Variants in GTSF1L observed in about 807,000 individuals in gnomAD.
GTSF1L encodes gametocyte specific factor 1 like.
In GTSF1L, 1 loss-of-function variant was observed where a neutral mutation model predicts 1.1. The ratio of observed to expected loss-of-function variants is 0.90; its 90% confidence interval spans 0.32 to 4.28. The LOEUF is 4.28. Among genes scored for constraint, GTSF1L ranks in the 30% most tolerant of loss-of-function variants. The pLI is 0.17. For synonymous variants in GTSF1L, 62 were observed against 69.3 expected (o/e 0.89, Z 0.53); for missense variants, 169 against 181.9 (o/e 0.93, Z 0.41).
Position 43,726,386 on chromosome 20 carries a change from GAT to G in GTSF1L, c.307_308del (p.Ile103LeufsTer7). On this transcript the variant is annotated frameshift_variant, in exon 1 of 1. Transcript: ENST00000373003. LOFTEE classifies it low-confidence loss of function (END_TRUNC). ...QVSPCLPSPD[I>X]WNVDGANCQH... ...GGCAATTAGCGCCATCGACATTCCA[GAT>G]ATCGGGGCTGGGAAGGCAGGGTGAG... The G allele has an allele frequency of 1.2e-6, 2 of 1,614,066 alleles. No individual in the cohort carries two copies. Among genetic ancestry groups the G allele is most frequent in the Non-Finnish European group, 1.7e-6 (2 of 1,180,020 alleles).
chr20:43,726,262 T>G lies in GTSF1L; in HGVS notation c.433A>C (p.Arg145=). ...CAGCTGGCAGTTTACTGTCCTGGTC[T>G]GAGGATCTTCTGGGGACTGGTCTCT... ...ARETSPQKIL[R]PGQ Residue 145 remains arginine, a synonymous_variant, in exon 1 of 1, where the codon AGA becomes CGA. Coordinates refer to ENST00000373003, the MANE Select transcript of GTSF1L (RefSeq NM_176791.4). 6.2e-7 allele frequency: 1 copy of G among 1,611,744 alleles called. No homozygotes were observed. Among genetic ancestry groups the G allele is most frequent in the Non-Finnish European group, 8.5e-7 (1 of 1,178,262 alleles).
In GTSF1L at chr20:43,726,684, T is replaced by C; in HGVS notation, c.11A>G (p.Glu4Gly). Residue 4 changes from glutamate (E) to glycine (G), a missense_variant, in exon 1 of 1, where the codon GAA becomes GGA. Physicochemically the swap from Glu to Gly is moderately conservative, Grantham distance 98. Transcript: ENST00000373003. ...ATCATAAGGGCAAATTTCAAAGGCT[T>C]CTGGCTCCATGAGAAATTCTTGAAG... is the stretch of plus-strand genomic sequence containing the variant. MEP[E>G]AFEICPYDPH... 1 of 1,566,676 alleles carries C rather than the reference T, an allele frequency of 6.4e-7. No individual in the cohort carries two copies. Among genetic ancestry groups the C allele is most frequent in the Non-Finnish European group, 8.6e-7 (1 of 1,158,686 alleles).
rs1373457863 is a variant in GTSF1L at position 43,726,527 on chromosome 20, C to T, written c.168G>A (p.Leu56=). ...NACHVVPIKN[L]EEHEAVCVNR... ...TGACACAAACAGCCTCATGTTCCTC[C>T]AGATTTTTGATGGGGACCACGTGGC... is the stretch of plus-strand genomic sequence containing the variant. The change falls in exon 1 of 1, where the codon CTG becomes CTA. Residue 56 remains leucine (L), a synonymous_variant. Transcript: ENST00000373003. 1 of 1,614,056 alleles carries T rather than the reference C, an allele frequency of 6.2e-7. No individual in the cohort carries two copies. Among genetic ancestry groups the T allele is most frequent in the South Asian group, 1.1e-5 (1 of 91,050 alleles).
In GTSF1L at chr20:43,726,592, T is replaced by C. The variant is rs2068184292; in HGVS notation, c.103A>G (p.Lys35Glu). 1 of 1,613,894 alleles carries C rather than the reference T, an allele frequency of 6.2e-7. No homozygotes were observed. The highest frequency in any genetic ancestry group is 1.3e-5 in the African/African-American group (1 of 74,854). The part of the protein sequence containing the change: ...HLASCRRKNP[K>E]KAKKMATCKY... ...CAGGTGGCCATCTTTTTGGCTTTCT[T>C]GGGGTTCTTTCTCCTGCACGATGCC... Residue 35 changes from lysine to glutamate, a missense_variant, in exon 1 of 1, where the codon AAG (lysine) becomes GAG (glutamate). Coordinates refer to ENST00000373003, the MANE Select transcript of GTSF1L (RefSeq NM_176791.4).
Position 43,726,850 on chromosome 20 carries a change from G to T in GTSF1L, c.-156C>A. 1 of 609,992 alleles carries T rather than the reference G, an allele frequency of 1.6e-6. No individual in the cohort carries two copies. The highest frequency in any genetic ancestry group is 2.9e-6 in the Non-Finnish European group (1 of 340,774). The allele number at this position is 609,992 out of a possible 1,614,324, so 37.8% of individuals were successfully genotyped here. On this transcript the variant is annotated 5_prime_UTR_variant, in exon 1 of 1. Coordinates refer to ENST00000373003, the MANE Select transcript of GTSF1L (RefSeq NM_176791.4). ...GTCTTAACTTGTGGTCTGTTCTCTA[G>T]GACTGTGAGTGGTGGATTAGAAGAG...
chr20:43,726,951 T>C lies in GTSF1L; in HGVS notation c.-257A>G, dbSNP rs60437257. On this transcript the variant is annotated 5_prime_UTR_variant, in exon 1 of 1. Coordinates refer to ENST00000373003, the MANE Select transcript of GTSF1L (RefSeq NM_176791.4). ...GCACCCGAGACAGAACTATAGCAGA[T>C]GCAAGAGCCAAAAACCCACAGCCGC... 8.2e-3 allele frequency: 3,008 copies of C among 366,760 alleles called. 58 individuals carry two copies. The highest frequency in any genetic ancestry group is 0.046 in the African/African-American group (2,169 of 47,328). The allele number at this position is 366,760 out of a possible 1,614,324, so 22.7% of individuals were successfully genotyped here. A position where few individuals can be genotyped will look rare whatever the true frequency, so the allele number is the denominator to read the frequency against.
Position 43,726,695 on chromosome 20 carries a change from G to T in GTSF1L, c.-1C>A. 6.4e-7 allele frequency: 1 copy of T among 1,554,956 alleles called. No individual in the cohort carries two copies. The highest frequency in any genetic ancestry group is 8.7e-7 in the Non-Finnish European group (1 of 1,153,264). Reference sequence around the variant, plus strand: ...AAATTTCAAAGGCTTCTGGCTCCATGAGAAATTCTTGAAGCAGGGTATCTC... The same window carrying T: ...AAATTTCAAAGGCTTCTGGCTCCATTAGAAATTCTTGAAGCAGGGTATCTC... On this transcript the variant is annotated 5_prime_UTR_variant, in exon 1 of 1. Coordinates refer to ENST00000373003, the MANE Select transcript of GTSF1L (RefSeq NM_176791.4).
rs1444960320 is a variant in GTSF1L, at chr20:43,726,590, C to A, written c.105G>T (p.Lys35Asn). 6.2e-7 allele frequency: 1 copy of A among 1,613,940 alleles called. No individual in the cohort carries two copies. The highest frequency in any genetic ancestry group is 8.5e-7 in the Non-Finnish European group (1 of 1,179,968). Residue 35 changes from lysine (K) to asparagine (N), a missense_variant, in exon 1 of 1, where the codon AAG (lysine) becomes AAT (asparagine). Coordinates refer to ENST00000373003, the MANE Select transcript of GTSF1L (RefSeq NM_176791.4). The stretch of plus-strand genomic sequence containing the variant: ...TGCAGGTGGCCATCTTTTTGGCTTT[C>A]TTGGGGTTCTTTCTCCTGCACGATG... Reference protein sequence around the residue: ...HLASCRRKNPKKAKKMATCKY... With the variant: ...HLASCRRKNPNKAKKMATCKY...
Position 43,726,542 on chromosome 20 carries a change from G to A in GTSF1L, c.153C>T (p.Val51=). ...CATGTTCCTCCAGATTTTTGATGGG[G>A]ACCACGTGGCAGGCGTTGTATTTGC... is the stretch of plus-strand genomic sequence containing the variant. ...ATCKYNACHV[V]PIKNLEEHEA... is the part of the protein sequence containing the mutation. The change falls in exon 1 of 1, where the codon GTC becomes GTT. Residue 51 remains valine (V), a synonymous_variant. Coordinates refer to ENST00000373003, the MANE Select transcript of GTSF1L (RefSeq NM_176791.4). 1 of 1,614,020 alleles carries A rather than the reference G, an allele frequency of 6.2e-7. No individual in the cohort carries two copies. Among genetic ancestry groups the A allele is most frequent in the African/African-American group, 1.3e-5 (1 of 74,974 alleles).
rs1486826083 is a variant in GTSF1L, at chr20:43,726,349, C to G, written c.346G>C (p.Val116Leu). Residue 116 changes from valine to leucine, a missense_variant, in exon 1 of 1, where the codon GTC (valine) becomes CTC (leucine). Transcript: ENST00000373003. The stretch of plus-strand genomic sequence containing the variant: ...TTTTGAGGAAAAAAAGTCTTAAGGA[C>G]AAACACATGCTGGCAATTAGCGCCA... ...VDGANCQHVF[V>L]LKTFFPQKVV... 6.2e-7 allele frequency: 1 copy of G among 1,614,158 alleles called. No individual in the cohort carries two copies. Among genetic ancestry groups the G allele is most frequent in the Non-Finnish European group, 8.5e-7 (1 of 1,180,024 alleles).
Position 43,726,649 on chromosome 20 carries a change from G to T in GTSF1L, c.46C>A (p.Arg16=). The change falls in exon 1 of 1, where the codon CGA becomes AGA. Residue 16 remains arginine, a synonymous_variant. Transcript: ENST00000373003. ...TACTGGAATCTGCTGAGTGGGATTCGGTGGTGAGGATCATAAGGGCAAATT... is the reference window on the plus strand; with the variant it reads ...TACTGGAATCTGCTGAGTGGGATTCTGTGGTGAGGATCATAAGGGCAAATT... ...FEICPYDPHH[R]IPLSRFQYHL... 6.2e-7 allele frequency: 1 copy of T among 1,605,718 alleles called. No homozygotes were observed. Among genetic ancestry groups the T allele is most frequent in the Non-Finnish European group, 8.5e-7 (1 of 1,175,998 alleles).
chr20:43,726,183 A>G lies in GTSF1L; in HGVS notation c.*65T>C. 2 of 1,186,874 alleles carry G rather than the reference A, an allele frequency of 1.7e-6. No individual in the cohort carries two copies. Among genetic ancestry groups the G allele is most frequent in the Non-Finnish European group, 2.4e-6 (2 of 829,878 alleles). 73.5% of individuals were successfully genotyped at this position (1,186,874 alleles called of 1,614,324 possible). On this transcript the variant is annotated 3_prime_UTR_variant, in exon 1 of 1. Coordinates refer to ENST00000373003, the MANE Select transcript of GTSF1L (RefSeq NM_176791.4). ...GGGTAGTTTACTTTGCATGTCTTTT[A>G]TTCTGATGCATTGCACGTTCTTCCA...
In GTSF1L at chr20:43,726,982, T is replaced by C; in HGVS notation, c.-288A>G. The C allele has an allele frequency of 3.2e-6, 1 of 308,288 alleles. No individual in the cohort carries two copies. Among genetic ancestry groups the C allele is most frequent in the Admixed American group, 4.7e-5 (1 of 21,056 alleles). 19.1% of individuals were successfully genotyped at this position (308,288 alleles called of 1,614,324 possible). A position where few individuals can be genotyped will look rare whatever the true frequency, so the allele number is the denominator to read the frequency against. ...AGCCAAAAACCCACAGCCGCTTGAC[T>C]CACGGATATACTATGATGTCAAGCT... On this transcript the variant is annotated 5_prime_UTR_variant, in exon 1 of 1. Coordinates refer to ENST00000373003, the MANE Select transcript of GTSF1L (RefSeq NM_176791.4).
In GTSF1L at chr20:43,726,288, C is replaced by A. The variant is rs761800103; in HGVS notation, c.407G>T (p.Arg136Ile). The A allele has an allele frequency of 6.2e-7, 1 of 1,614,058 alleles. No homozygotes were observed. The highest frequency in any genetic ancestry group is 2.2e-5 in the East Asian group (1 of 44,884). The change falls in exon 1 of 1, where the codon AGA becomes ATA. Residue 136 changes from arginine (R) to isoleucine (I), a missense_variant. Coordinates refer to ENST00000373003, the MANE Select transcript of GTSF1L (RefSeq NM_176791.4). ...VCENDTKESARETSPQKILRP... is the reference protein window; with the variant it reads ...VCENDTKESAIETSPQKILRP... Reference sequence around the variant, plus strand: ...GAGGATCTTCTGGGGACTGGTCTCTCTTGCTGACTCTTTCGTGTCATTTTC... The same window carrying A: ...GAGGATCTTCTGGGGACTGGTCTCTATTGCTGACTCTTTCGTGTCATTTTC...
rs760823157 is a variant in GTSF1L, at chr20:43,726,560, G to A, written c.135C>T (p.Tyr45=). 3.7e-6 allele frequency: 6 copies of A among 1,614,102 alleles called. No individual in the cohort carries two copies. The Admixed American group carries it at 5.0e-5, about 13-fold the overall frequency. ...TGATGGGGACCACGTGGCAGGCGTT[G>A]TATTTGCAGGTGGCCATCTTTTTGG... The part of the protein sequence containing the change: ...KKAKKMATCK[Y]NACHVVPIKN... The change falls in exon 1 of 1, where the codon TAC becomes TAT. Residue 45 remains tyrosine (Y), a synonymous_variant. Transcript: ENST00000373003.
Position 43,726,823 on chromosome 20 carries a change from C to A in GTSF1L, c.-129G>T. The A allele has an allele frequency of 1.5e-6, 1 of 672,836 alleles. No homozygotes were observed. Among genetic ancestry groups the A allele is most frequent in the Non-Finnish European group, 2.6e-6 (1 of 386,538 alleles). The allele number at this position is 672,836 out of a possible 1,614,324, so 41.7% of individuals were successfully genotyped here. On this transcript the variant is annotated 5_prime_UTR_variant, in exon 1 of 1. Coordinates refer to ENST00000373003, the MANE Select transcript of GTSF1L (RefSeq NM_176791.4). ...TTGGCCCTTGGGATTCTGTAGGTGACGGTCTTAACTTGTGGTCTGTTCTCT... is the reference window on the plus strand; with the variant it reads ...TTGGCCCTTGGGATTCTGTAGGTGAAGGTCTTAACTTGTGGTCTGTTCTCT...
chr20:43,726,688 G>C lies in GTSF1L; in HGVS notation c.7C>G (p.Pro3Ala). 4 of 1,561,616 alleles carry C rather than the reference G, an allele frequency of 2.6e-6. No homozygotes were observed. Among genetic ancestry groups the C allele is most frequent in the Non-Finnish European group, 3.5e-6 (4 of 1,156,836 alleles). The stretch of plus-strand genomic sequence containing the variant: ...TAAGGGCAAATTTCAAAGGCTTCTG[G>C]CTCCATGAGAAATTCTTGAAGCAGG... ME[P>A]EAFEICPYDP... The change falls in exon 1 of 1, where the codon CCA becomes GCA. Residue 3 changes from proline to alanine, a missense_variant. By Grantham distance (27) the Pro-to-Ala change is conservative. Transcript: ENST00000373003.
chr20:43,726,255 C>G lies in GTSF1L; in HGVS notation c.440G>C (p.Gly147Ala), dbSNP rs749661277. The stretch of plus-strand genomic sequence containing the variant: ...CCTTCCTCAGCTGGCAGTTTACTGT[C>G]CTGGTCTGAGGATCTTCTGGGGACT... ...ETSPQKILRP[G>A]Q Residue 147 changes from glycine (G) to alanine (A), a missense_variant, in exon 1 of 1, where the codon GGA becomes GCA. By Grantham distance (60) the Gly-to-Ala change is moderately conservative (BLOSUM62 0). Transcript: ENST00000373003. 91 of 1,609,100 alleles carry G rather than the reference C, an allele frequency of 5.7e-5. No homozygotes were observed. The highest frequency in any genetic ancestry group is 7.4e-5 in the Non-Finnish European group (87 of 1,176,512).
rs767463998 is a variant in GTSF1L at position 43,726,845 on chromosome 20, C to T, written c.-151G>A. 64 of 616,940 alleles carry T rather than the reference C, an allele frequency of 1.0e-4. No homozygotes were observed. The highest frequency in any genetic ancestry group is 1.7e-4 in the Non-Finnish European group (57 of 345,158). 38.2% of individuals were successfully genotyped at this position (616,940 alleles called of 1,614,324 possible). A position where few individuals can be genotyped will look rare whatever the true frequency, so the allele number is the denominator to read the frequency against. ...TGACGGTCTTAACTTGTGGTCTGTT[C>T]TCTAGGACTGTGAGTGGTGGATTAG... On this transcript the variant is annotated 5_prime_UTR_variant, in exon 1 of 1. Coordinates refer to ENST00000373003, the MANE Select transcript of GTSF1L (RefSeq NM_176791.4).
Sources: gnomAD v4.1 joint callset for allele counts on GRCh38, gnomAD v4.1.1 for gene constraint, MANE v1.5 for transcripts, NCBI Gene and HGNC (gene_info 2026-07-23, HGNC 2026-07-21) for gene names.